Variants in BCHE observed in about 807,000 individuals in gnomAD.
The protein encoded by BCHE is butyrylcholinesterase.
A neutral mutation model predicts 51.3 loss-of-function variants in BCHE; 48 were observed. That is an observed-to-expected ratio of 0.94 (90% CI 0.74 to 1.19). The LOEUF is 1.19. Ranked by LOEUF, BCHE falls within the 50% of genes most tolerant of loss-of-function variation. The probability of loss-of-function intolerance (pLI) is 0.00; values close to 1 mark genes in which losing one functional copy is unlikely to be tolerated. For synonymous variants in BCHE, 251 were observed against 238.0 expected (o/e 1.05, Z -0.50); for missense variants, 847 against 708.2 (o/e 1.20, Z -2.23).
intron 2 of BCHE, among the ~76,000 whole-genome samples, chr3:165,792,473 C>G (rs1021158405): frequency 6.6e-6 from 1 of 151,986 alleles, no homozygotes; most frequent in South Asian, 2.1e-4. Flanking sequence ...CATCATAAAA[C>G]TCAAATACTA....
chr3:165,805,546 A>G (rs1374456475), intron 2 of BCHE, among the ~76,000 whole-genome samples: 1 of 152,156 alleles, frequency 6.6e-6, no homozygotes, highest in Non-Finnish European at 1.5e-5. Context: ...ATTCTTTAGC[A>G]TATTTGCACA....
intron 2 of BCHE, among the ~76,000 whole-genome samples, chr3:165,815,775 T>C (rs1006550810): frequency 6.6e-6 from 1 of 152,058 alleles, no homozygotes; most frequent in Non-Finnish European, 1.5e-5. Context: ...AACAGATTAA[T>C]TTTCTATTAG....
At chr3:165,780,379 G>A (rs1712646463) in intron 3 of BCHE, among the ~76,000 whole-genome samples, 1 of 152,162 alleles carries the variant, frequency 6.6e-6, no homozygotes. Context: ...AATGTCAAAA[G>A]CAATTGCAGC....
chr3:165,825,215 A>C (rs1460727515), intron 2 of BCHE, among the ~76,000 whole-genome samples: 1 of 152,134 alleles, frequency 6.6e-6, no homozygotes, highest in Non-Finnish European at 1.5e-5. Context: ...TCAAGAAAGT[A>C]GCCTAAGTAA....
chr3:165,832,035 T>A (rs1320058050), intron 1 of BCHE, among the ~76,000 whole-genome samples: 1 of 152,164 alleles, frequency 6.6e-6, no homozygotes, highest in East Asian at 1.9e-4. Flanking sequence ...ATGACTGAAA[T>A]TAGAGGATCA....
At chr3:165,820,022 T>C (rs567740514) in intron 2 of BCHE, among the ~76,000 whole-genome samples, 1 of 152,202 alleles carries the variant, frequency 6.6e-6, no homozygotes, top group East Asian at 1.9e-4. Context: ...TGCAGAAACA[T>C]AGAAAACAAA....
intron 2 of BCHE, among the ~76,000 whole-genome samples, chr3:165,806,858 A>G (rs1278629749): frequency 6.6e-6 from 1 of 152,010 alleles, no homozygotes; most frequent in Non-Finnish European, 1.5e-5. Context: ...ATTATGCAAA[A>G]CTCAGTTATT....
In BCHE at chr3:165,832,113, T is replaced by C. The variant is rs1715012604; in HGVS notation, c.-8-1072A>G. 2.0e-5 allele frequency among the ~76,000 whole-genome samples: 3 copies of C among 152,160 alleles called. No homozygotes were observed. The South Asian group carries it at 6.2e-4, about 32-fold the overall frequency. ...TCTTTGTGACCTACAAAATCATAAG[T>C]ATTTGACATTTATGAAATAATATTT... On this transcript the variant is annotated intron_variant, in intron 1 of 3. Transcript: ENST00000264381.
intron 2 of BCHE, among the ~76,000 whole-genome samples, chr3:165,825,316 A>C (rs1274961268): frequency 7.3e-6 from 1 of 136,452 alleles, no homozygotes; most frequent in Non-Finnish European, 1.6e-5. Flanking sequence ...TGCCTACATT[A>C]AAAGTTCACA....
intron 3 of BCHE, among the ~76,000 whole-genome samples, chr3:165,780,111 A>G (rs370361005): frequency 3.6e-4 from 55 of 152,166 alleles, no homozygotes; most frequent in African/African-American, 1.3e-3. Context: ...AACATCATAC[A>G]TCGACAACCA....
intron 2 of BCHE, among the ~76,000 whole-genome samples, chr3:165,810,162 T>A (rs535787554): frequency 1.4e-4 from 21 of 152,296 alleles, no homozygotes; most frequent in African/African-American, 4.8e-4. Flanking sequence ...TAGGCTATCT[T>A]TTGCTTACTG....
chr3:165,815,555 G>C (rs1208444077), intron 2 of BCHE, among the ~76,000 whole-genome samples: 1 of 152,028 alleles, frequency 6.6e-6, no homozygotes, highest in Non-Finnish European at 1.5e-5. Flanking sequence ...GTTAGCAATA[G>C]CTAGCAAATG....
intron 2 of BCHE, among the ~76,000 whole-genome samples, chr3:165,804,415 G>T (rs1188393233): frequency 1.3e-5 from 2 of 151,802 alleles, no homozygotes; most frequent in Admixed American, 6.6e-5. Flanking sequence ...ATAAATGGAG[G>T]GCAAAGATGA....
intron 2 of BCHE, among the ~76,000 whole-genome samples, chr3:165,810,865 A>T (rs1445413365): frequency 6.6e-6 from 1 of 152,162 alleles, no homozygotes; most frequent in Non-Finnish European, 1.5e-5. Context: ...ACCATGACAT[A>T]TCCAGCTGAT....
chr3:165,813,193 A>G (rs1714172115), intron 2 of BCHE, among the ~76,000 whole-genome samples: 1 of 151,872 alleles, frequency 6.6e-6, no homozygotes. Flanking sequence ...AAATAAGACT[A>G]CTTACCAATA....
chr3:165,778,710 T>A (rs757582219), intron 3 of BCHE: 2 of 453,786 alleles, frequency 4.4e-6, no homozygotes, highest in South Asian at 3.1e-5. Context: ...CTAGTGCAGT[T>A]CCTGGCTCAC....
chr3:165,775,433 A>C (rs574530236), intron 3 of BCHE, among the ~76,000 whole-genome samples: 6 of 151,962 alleles, frequency 3.9e-5, no homozygotes, highest in African/African-American at 1.4e-4. Context: ...GAAAGATGTT[A>C]AATATCATAC....
intron 3 of BCHE, among the ~76,000 whole-genome samples, chr3:165,782,457 C>T (rs532301705): frequency 2.1e-4 from 31 of 150,856 alleles, no homozygotes; most frequent in African/African-American, 1.2e-4. Flanking sequence ...GAGTTCACTT[C>T]TTTGTGATCT....
chr3:165,802,210 T>C (rs1427669305), intron 2 of BCHE, among the ~76,000 whole-genome samples: 2 of 152,216 alleles, frequency 1.3e-5, no homozygotes, highest in Non-Finnish European at 2.9e-5. Context: ...TCCATTAATT[T>C]GCAATAAGTG....
Sources: gnomAD v4.1 joint callset for allele counts (sites outside exome capture counted in the v4.1 genomes callset) on GRCh38, gnomAD v4.1.1 for gene constraint, MANE v1.5 for transcripts, NCBI Gene and HGNC (gene_info 2026-07-23, HGNC 2026-07-21) for gene names.